The following MTR variants were observed in gnomAD, a reference collection of about 807,000 sequenced individuals.
The protein encoded by MTR is 5-methyltetrahydrofolate-homocysteine methyltransferase.
A neutral mutation model predicts 154.8 loss-of-function variants in MTR; 84 were observed. The ratio of observed to expected loss-of-function variants is 0.54; its 90% CI spans 0.45 to 0.65. The LOEUF is 0.65. MTR is among the 30% of genes least tolerant of loss of function. MTR has a pLI of 0.00. For synonymous variants in MTR, 554 were observed against 553.9 expected (o/e 1.00, Z 0.00); for missense variants, 1,275 against 1,570.2 (o/e 0.81, Z 3.18).
rs551674191 is a variant in MTR, at chr1:236,862,204, G to A, written c.2197-32G>A. 7 of 1,579,534 alleles carry A rather than the reference G, an allele frequency of 4.4e-6. No individual in the cohort carries two copies. In the South Asian group the frequency reaches 7.7e-5, roughly 17 times the overall value. On this transcript the variant is annotated intron_variant, in intron 20 of 32. Coordinates refer to ENST00000366577, the MANE Select transcript of MTR (RefSeq NM_000254.3). ...ATCAGCAGTTGTTCCTGTGGTTTGG[G>A]AAAGATACCTGATCTATGCTTTTTT...
chr1:236,894,883 A>G, intron 30 of MTR: 1 of 396,228 alleles, frequency 2.5e-6, no homozygotes, highest in East Asian at 5.5e-5. Context: ...CCAAAAAATT[A>G]AAAACAAATT....
intron 15 of MTR, among the ~76,000 whole-genome samples, chr1:236,845,960 G>A (rs1663546506): frequency 6.6e-6 from 1 of 152,138 alleles, no homozygotes; most frequent in South Asian, 2.1e-4. Context: ...TCCCTCAAAT[G>A]GGAAACTACT....
At position 236,902,186 on chromosome 1, in the gene MTR, A is replaced by T. The variant is rs1666946211; in HGVS notation, c.*4542A>T. 1 of 152,198 alleles carries T rather than the reference A, an allele frequency of 6.6e-6. No individual in the cohort carries two copies. Among genetic ancestry groups the T allele is most frequent in the Non-Finnish European group, 1.5e-5 (1 of 68,160 alleles). The allele number at this position is 152,198 out of a possible 1,614,324, so 9.4% of individuals were successfully genotyped here. A position where few individuals can be genotyped will look rare whatever the true frequency, so the allele number is the denominator to read the frequency against. On this transcript the variant is annotated 3_prime_UTR_variant, in exon 33 of 33. Transcript: ENST00000366577. ...AGCCTTCCATGTCTGACCCTGCCTC[A>T]TGTCTTGGAAGCCCTAGACTGCTGC...
At chr1:236,795,787 G>C (rs1660342689) in intron 1 of MTR, 50 bp downstream of exon 1, 1 of 1,613,526 alleles carries the variant, frequency 6.2e-7, no homozygotes, top group Non-Finnish European at 8.5e-7. Flanking sequence ...CTTAACTCGT[G>C]CTGTGGCCTC....
Position 236,899,577 on chromosome 1 carries a change from G to A in MTR, c.*1933G>A, listed in dbSNP as rs965991467. ...AATTGTCAGTGTTTGGATGAAAAAA[G>A]CCTTAGGGCAGGAAAGAATCTCTTG... is the stretch of plus-strand genomic sequence containing the variant. On this transcript the variant is annotated 3_prime_UTR_variant, in exon 33 of 33. Coordinates refer to ENST00000366577, the MANE Select transcript of MTR (RefSeq NM_000254.3). 1.3e-5 allele frequency: 2 copies of A among 152,206 alleles called. No individual in the cohort carries two copies. Among genetic ancestry groups the A allele is most frequent in the African/African-American group, 4.8e-5 (2 of 41,458 alleles). 9.4% of individuals were successfully genotyped at this position (152,206 alleles called of 1,614,324 possible). A position where few individuals can be genotyped will look rare whatever the true frequency, so the allele number is the denominator to read the frequency against.
At position 236,803,429 on chromosome 1, in the gene MTR, A is replaced by G. The variant is rs1660801278; in HGVS notation, c.36A>G (p.Glu12=). The G allele has an allele frequency of 6.2e-7, 1 of 1,613,948 alleles. No homozygotes were observed. Among genetic ancestry groups the G allele is most frequent in the African/African-American group, 1.3e-5 (1 of 75,048 alleles). The change falls in exon 2 of 33, where the codon GAA becomes GAG. Residue 12 remains glutamate, a splice_region_variant and synonymous_variant. Transcript: ENST00000366577. ...GTCAAACTTTCACTTTCTTTAAAGAAGGTCTGAAGAAAACCCTGCGGGATG... is the reference window on the plus strand; with the variant it reads ...GTCAAACTTTCACTTTCTTTAAAGAGGGTCTGAAGAAAACCCTGCGGGATG... ...SPALQDLSQP[E]GLKKTLRDEI... is the part of the protein sequence containing the mutation.
At chr1:236,846,101 G>A (rs554522406) in intron 15 of MTR, among the ~76,000 whole-genome samples, 1 of 152,328 alleles carries the variant, frequency 6.6e-6, no homozygotes, top group South Asian at 2.1e-4. Context: ...AGGAGGCTGG[G>A]CCTGAGACTT....
Position 236,838,462 on chromosome 1 carries a change from T to C in MTR, c.1378T>C (p.Leu460=), listed in dbSNP as rs1256654520. ...CAATTTTGCTGTGATTGAAGCTGGG[T>C]TAAAGTGCTGCCAAGGGAAGTGCAT... ...SSNFAVIEAG[L]KCCQGKCIVN... is the part of the protein sequence containing the mutation. Residue 460 remains leucine (L), a synonymous_variant, in exon 15 of 33, where the codon TTA becomes CTA. Coordinates refer to ENST00000366577, the MANE Select transcript of MTR (RefSeq NM_000254.3). The C allele has an allele frequency of 6.8e-6, 11 of 1,614,038 alleles. No homozygotes were observed. The highest frequency in any genetic ancestry group is 4.5e-5 in the East Asian group (2 of 44,886).
In MTR at chr1:236,827,746, G is replaced by A. The variant is rs188742291; in HGVS notation, c.995+850G>A. Among the ~76,000 whole-genome samples the A allele has an allele frequency of 1.7e-3, 266 of 152,290 alleles. 1 individual carries two copies. The highest frequency in any genetic ancestry group is 4.9e-3 in the African/African-American group (204 of 41,556). On this transcript the variant is annotated intron_variant, in intron 11 of 32. Coordinates refer to ENST00000366577, the MANE Select transcript of MTR (RefSeq NM_000254.3). ...GGGAGCGAAACAAGCATGACCATGT[G>A]TTTAATTCCTTAGAGTTTTATAGCT... is the stretch of plus-strand genomic sequence containing the variant.
chr1:236,903,457 T>C lies in MTR; in HGVS notation c.*5813T>C, dbSNP rs946897503. 2 of 150,624 alleles carry C rather than the reference T, an allele frequency of 1.3e-5. No individual in the cohort carries two copies. Among genetic ancestry groups the C allele is most frequent in the Admixed American group, 6.6e-5 (1 of 15,256 alleles). The allele number at this position is 150,624 out of a possible 1,614,324, so 9.3% of individuals were successfully genotyped here. On this transcript the variant is annotated 3_prime_UTR_variant, in exon 33 of 33. Transcript: ENST00000366577. ...CCATTTACACTGCATTCTTCAAATGTAATTTTCAAAGATGCCTTTTGCCTC... is the reference window on the plus strand; with the variant it reads ...CCATTTACACTGCATTCTTCAAATGCAATTTTCAAAGATGCCTTTTGCCTC...
chr1:236,885,062 A>G, intron 25 of MTR, 59 bp from the exon 26 acceptor site: 1 of 1,046,296 alleles, frequency 9.6e-7, no homozygotes, highest in Non-Finnish European at 1.5e-6. Context: ...ATCAGCATTG[A>G]CCATTACTAC....
Position 236,795,341 on chromosome 1 carries a change from C to T in MTR, c.-363C>T, listed in dbSNP as rs1558263815. The T allele has an allele frequency of 1.1e-5, 14 of 1,316,714 alleles. No individual in the cohort carries two copies. The highest frequency in any genetic ancestry group is 1.3e-5 in the Non-Finnish European group (13 of 1,008,558). 81.6% of individuals were successfully genotyped at this position (1,316,714 alleles called of 1,614,324 possible). Reference sequence around the variant, plus strand: ...TCTAAATGTCTGCGGGGCTCAGAGCCGGATGTCACGTCGTCCTCCTCTGCC... The same window carrying T: ...TCTAAATGTCTGCGGGGCTCAGAGCTGGATGTCACGTCGTCCTCCTCTGCC... On this transcript the variant is annotated 5_prime_UTR_variant, in exon 1 of 33. Coordinates refer to ENST00000366577, the MANE Select transcript of MTR (RefSeq NM_000254.3).
At chr1:236,878,295 G>GAC (rs1478609227) in intron 24 of MTR, among the ~76,000 whole-genome samples, 29 of 152,310 alleles carry the variant, frequency 1.9e-4, no homozygotes, top group African/African-American at 3.4e-4. Flanking sequence ...TTCAGGAGTT[G>GAC]AAGTGTCTCA....
intron 27 of MTR, among the ~76,000 whole-genome samples, chr1:236,886,591 CT>C (rs1171805075): frequency 6.6e-6 from 1 of 152,184 alleles, no homozygotes; most frequent in Admixed American, 6.5e-5. Flanking sequence ...CATAGCAGCT[CT>C]CTGAGTCCTT....
chr1:236,850,232 C>T (rs959946014), intron 15 of MTR, 112 bp from the exon 16 acceptor site: 4 of 682,874 alleles, frequency 5.9e-6, no homozygotes, highest in Non-Finnish European at 8.2e-6. Flanking sequence ...ATGTATAACA[C>T]TTAATATTTT....
At chr1:236,822,991 C>T (rs2103089486) in intron 8 of MTR, among the ~76,000 whole-genome samples, 1 of 152,144 alleles carries the variant, frequency 6.6e-6, no homozygotes, top group South Asian at 2.1e-4. Context: ...TTTATCAAGT[C>T]AAGGAAATTT....
At chr1:236,881,750 A>C (rs1665748754) in intron 25 of MTR, among the ~76,000 whole-genome samples, 1 of 152,084 alleles carries the variant, frequency 6.6e-6, no homozygotes, top group Non-Finnish European at 1.5e-5. Context: ...ATTTATTTAC[A>C]TGAAAGTTAT....
At chr1:236,812,638 C>A in intron 5 of MTR, 100 bp from the exon 6 acceptor site, 1 of 897,276 alleles carries the variant, frequency 1.1e-6, no homozygotes, top group Non-Finnish European at 1.9e-6. Context: ...CATTGTAAAC[C>A]AGCAATAGTT....
chr1:236,895,599 C>G (rs898874239), intron 31 of MTR, 49 bp downstream of exon 31: 2 of 1,533,890 alleles, frequency 1.3e-6, no homozygotes, highest in African/African-American at 1.4e-5. Flanking sequence ...TCAGTAGATA[C>G]TCTTATCAGC....
Sources: gnomAD v4.1 joint callset for allele counts (sites outside exome capture counted in the v4.1 genomes callset) on GRCh38, gnomAD v4.1.1 for gene constraint, MANE v1.5 for transcripts, NCBI Gene and HGNC (gene_info 2026-07-23, HGNC 2026-07-21) for gene names.